GRHL1: variants seen among roughly 807,000 people sequenced by gnomAD.
GRHL1 encodes grainyhead like transcription factor 1, also known as grainyhead-like protein 1 homolog.
In GRHL1, 38 loss-of-function variants were observed where a neutral mutation model predicts 75.7. The observed-to-expected ratio is 0.50, with a 90% CI of 0.39 to 0.66. The LOEUF (loss-of-function observed/expected upper bound fraction) is 0.66, where lower values mean the gene tolerates loss of function less well. GRHL1 is among the 30% of genes least tolerant of loss of function. The probability of loss-of-function intolerance (pLI) is 0.00; values close to 1 mark genes in which losing one functional copy is unlikely to be tolerated. For missense variants in GRHL1, 589 were observed against 767.5 expected (o/e 0.77, Z 2.75); for synonymous variants, 266 against 279.4 (o/e 0.95, Z 0.48).
chr2:9,982,291 G>C lies in GRHL1; in HGVS notation c.1111-3833G>C, dbSNP rs185251147. On this transcript the variant is annotated intron_variant, in intron 8 of 15. Transcript: ENST00000324907. Reference sequence around the variant, plus strand: ...ATCTCAGAGTTTTGGAGCCAAGGTAGACCTTTTGTGGATCACAGTGTATAA... The same window carrying C: ...ATCTCAGAGTTTTGGAGCCAAGGTACACCTTTTGTGGATCACAGTGTATAA... Among the ~76,000 whole-genome samples, 23 of 152,320 alleles carry C rather than the reference G, an allele frequency of 1.5e-4. No homozygotes were observed. In the East Asian group the frequency reaches 4.4e-3, roughly 29 times the overall value.
rs138724700 is a variant in GRHL1, at chr2:9,961,557, A to AT, written c.669+131dup. ...GAAATGAATGGATTAGGAATAAAAG[A>AT]TTTTTTTTTTAAGAGAAAAGGCCCA... On this transcript the variant is annotated intron_variant, in intron 4 of 15. Coordinates refer to ENST00000324907, the MANE Select transcript of GRHL1 (RefSeq NM_198182.3). The AT allele has an allele frequency of 2.3e-3, 1,947 of 849,832 alleles. 3 individuals are homozygous for AT. The highest frequency in any genetic ancestry group is 9.1e-3 in the African/African-American group (527 of 57,726). 52.6% of individuals were successfully genotyped at this position (849,832 alleles called of 1,614,324 possible).
chr2:9,961,003 C>G (rs1667244389), intron 3 of GRHL1, 43 bp from the exon 4 acceptor site: 13 of 1,468,700 alleles, frequency 8.9e-6, no homozygotes, highest in African/African-American at 5.7e-5. Context: ...TGTCAAAGAA[C>G]TACATCAGCA....
intron 2 of GRHL1, among the ~76,000 whole-genome samples, chr2:9,955,734 G>A (rs1478440548): frequency 2.6e-5 from 4 of 152,218 alleles, no homozygotes; most frequent in Admixed American, 1.3e-4. Context: ...GCCTGCGTGC[G>A]ACTTCTCACT....
chr2:9,955,134 C>T (rs1303884377), intron 2 of GRHL1, 33 bp downstream of exon 2: 2 of 1,426,064 alleles, frequency 1.4e-6, no homozygotes, highest in Admixed American at 1.8e-5. Context: ...CCCTTAACAG[C>T]AGTCTCCAAT....
chr2:9,998,449 TATATATATAC>T (rs1668980512), intron 14 of GRHL1, among the ~76,000 whole-genome samples: 1 of 79,858 alleles, frequency 1.3e-5, no homozygotes, highest in African/African-American at 5.7e-5. Flanking sequence ...TGTGTGTGTG[TATATATATAC>T]ATATATATAC....
intron 9 of GRHL1, 37 bp downstream of exon 9, chr2:9,986,319 GAC>G (rs1321377137): frequency 1.3e-6 from 2 of 1,542,304 alleles, no homozygotes; most frequent in Non-Finnish European, 1.8e-6. Context: ...AAGTGTTTGA[GAC>G]ACACTCATGG....
At position 9,951,950 on chromosome 2, in the gene GRHL1, G is replaced by A; in HGVS notation, c.20+97G>A. On this transcript the variant is annotated intron_variant, in intron 1 of 15. Coordinates refer to ENST00000324907, the MANE Select transcript of GRHL1 (RefSeq NM_198182.3). The surrounding 1 kb of genome is among the most constrained non-coding windows in gnomAD (Gnocchi z 4.2). ...CGGGCGCAGACCCGAGGCCGCGCGG[G>A]CGGGCGGGCGCGGGGCGCGAGCCGG... 2 of 698,076 alleles carry A rather than the reference G, an allele frequency of 2.9e-6. No individual in the cohort carries two copies. Among genetic ancestry groups the A allele is most frequent in the Non-Finnish European group, 3.6e-6 (2 of 559,452 alleles). The allele number at this position is 698,076 out of a possible 1,614,324, so 43.2% of individuals were successfully genotyped here. A position where few individuals can be genotyped will look rare whatever the true frequency, so the allele number is the denominator to read the frequency against.
At chr2:9,991,738 A>C (rs896472404) in intron 10 of GRHL1, among the ~76,000 whole-genome samples, 1 of 152,246 alleles carries the variant, frequency 6.6e-6, no homozygotes, top group Non-Finnish European at 1.5e-5. Flanking sequence ...CTCTGTCGCA[A>C]ATCTTCTGTG....
intron 8 of GRHL1, among the ~76,000 whole-genome samples, chr2:9,983,270 C>T (rs998853283): frequency 1.3e-5 from 2 of 151,950 alleles, no homozygotes; most frequent in Non-Finnish European, 2.9e-5. Context: ...TTGTCACCTT[C>T]TCCTGGGATG....
In GRHL1 at chr2:10,002,058, C is replaced by T. The variant is rs1054437302; in HGVS notation, c.*1351C>T. On this transcript the variant is annotated 3_prime_UTR_variant, in exon 16 of 16. Coordinates refer to ENST00000324907, the MANE Select transcript of GRHL1 (RefSeq NM_198182.3). ...TTAGGTTCAGGGAACTAGACTAGGT[C>T]ATTCGTGTAAATGGACTGGTAGTTA... The T allele has an allele frequency of 6.6e-6, 1 of 152,552 alleles. No homozygotes were observed. Among genetic ancestry groups the T allele is most frequent in the African/African-American group, 2.4e-5 (1 of 41,432 alleles). 9.4% of individuals were successfully genotyped at this position (152,552 alleles called of 1,614,324 possible).
intron 5 of GRHL1, 116 bp from the exon 6 acceptor site, chr2:9,963,770 C>A: frequency 1.4e-6 from 1 of 693,414 alleles, no homozygotes; most frequent in Non-Finnish European, 2.3e-6. Context: ...CTGCTGAGTA[C>A]TTTTGTTTCA....
chr2:9,951,720 C>T lies in GRHL1; in HGVS notation c.-114C>T. On this transcript the variant is annotated 5_prime_UTR_variant, in exon 1 of 16. Transcript: ENST00000324907. This position sits in a 1 kb window ranked among gnomAD's most constrained non-coding sequence, Gnocchi z 4.2. The stretch of plus-strand genomic sequence containing the variant: ...AGCGAGAAAAGCAAACCCAACCCGT[C>T]GGGGCCGCCGCTCCGGACCCGCAGC... The T allele has an allele frequency of 1.0e-6, 1 of 995,508 alleles. No individual in the cohort carries two copies. Among genetic ancestry groups the T allele is most frequent in the Non-Finnish European group, 1.4e-6 (1 of 690,416 alleles). The allele number at this position is 995,508 out of a possible 1,614,324, so 61.7% of individuals were successfully genotyped here.
chr2:9,977,081 G>A (rs575967983), intron 8 of GRHL1, among the ~76,000 whole-genome samples: 3 of 152,222 alleles, frequency 2.0e-5, no homozygotes, highest in African/African-American at 7.2e-5. Flanking sequence ...TTGTTTAGGG[G>A]GTCCTCTACT....
chr2:9,958,382 G>A (rs1398256364), intron 2 of GRHL1, among the ~76,000 whole-genome samples: 3 of 151,988 alleles, frequency 2.0e-5, no homozygotes, highest in African/African-American at 7.3e-5. Context: ...GTTTCACTGT[G>A]TTGCCCAGGC....
At chr2:9,982,064 A>T (rs1558307686) in intron 8 of GRHL1, among the ~76,000 whole-genome samples, 1 of 152,242 alleles carries the variant, frequency 6.6e-6, no homozygotes, top group South Asian at 2.1e-4. Context: ...GATTTGCATG[A>T]CCTTATTGAA....
chr2:9,991,873 C>T (rs577311177), intron 10 of GRHL1, 134 bp from the exon 11 acceptor site: 12 of 553,990 alleles, frequency 2.2e-5, no homozygotes, highest in Middle Eastern at 2.7e-4. Flanking sequence ...AGGCAGGCAG[C>T]GTGCCCTGTT....
intron 7 of GRHL1, 184 bp from the exon 8 acceptor site, chr2:9,965,103 C>G (rs1416808222): frequency 1.9e-6 from 1 of 527,282 alleles, no homozygotes; most frequent in Non-Finnish European, 3.4e-6. Context: ...AAGCTTGCCT[C>G]TATTACAAAA....
chr2:9,967,847 G>T (rs1667554095), intron 8 of GRHL1, among the ~76,000 whole-genome samples: 2 of 151,226 alleles, frequency 1.3e-5, no homozygotes, highest in South Asian at 2.1e-4. Flanking sequence ...CCACTTTCTT[G>T]TTCTCATTTA....
intron 8 of GRHL1, among the ~76,000 whole-genome samples, chr2:9,967,550 C>G (rs1322261764): frequency 1.3e-5 from 2 of 152,224 alleles, no homozygotes; most frequent in Non-Finnish European, 1.5e-5. Flanking sequence ...CTTTCAGACC[C>G]CCAGCACTGA....
Sources: gnomAD v4.1 joint callset for allele counts (sites outside exome capture counted in the v4.1 genomes callset) on GRCh38, gnomAD v4.1.1 for gene constraint, Gnocchi (gnomAD v3.1) non-coding constraint, MANE v1.5 for transcripts, NCBI Gene and HGNC (gene_info 2026-07-23, HGNC 2026-07-21) for gene names.